The following BIRC6 variants were observed in gnomAD, a reference collection of about 807,000 sequenced individuals.
BIRC6 encodes the protein baculoviral IAP repeat containing 6.
In BIRC6, 98 loss-of-function variants were observed where a neutral mutation model predicts 503.3. That is an observed-to-expected ratio of 0.19 (90% CI 0.17 to 0.23). The LOEUF (loss-of-function observed/expected upper bound fraction) is 0.23. Ranked by LOEUF, BIRC6 falls within the 10% of genes least tolerant of loss-of-function variation. The pLI, the probability that BIRC6 is intolerant of heterozygous loss-of-function variation, is 1.00. For missense variants in BIRC6, 5,360 were observed against 5,806.0 expected (o/e 0.92, Z 2.50); for synonymous variants, 2,240 against 2,078.7 (o/e 1.08, Z -2.11).
intron 49 of BIRC6, among the ~76,000 whole-genome samples, chr2:32,504,687 A>ATAAC (rs1445236123): frequency 6.6e-6 from 1 of 151,798 alleles, no homozygotes; most frequent in Non-Finnish European, 1.5e-5. Flanking sequence ...AAATAAATAA[A>ATAAC]TAAATAATAA....
At chr2:32,569,733 AGAT>A (rs2059795591) in intron 65 of BIRC6, among the ~76,000 whole-genome samples, 1 of 151,680 alleles carries the variant, frequency 6.6e-6, no homozygotes, top group African/African-American at 2.4e-5. Flanking sequence ...ATCCTTGGCT[AGAT>A]GATTATTGGT....
intron 3 of BIRC6, among the ~76,000 whole-genome samples, chr2:32,382,975 G>C (rs1020465902): frequency 6.6e-6 from 1 of 152,074 alleles, no homozygotes; most frequent in Non-Finnish European, 1.5e-5. Flanking sequence ...ACCCACCTTG[G>C]CCTCCCAAAA....
rs1558791113 is a variant in BIRC6 at position 32,461,174 on chromosome 2, CCCCTCCCCTCT to C, written c.4754-2016_4754-2006del. 8.3e-4 allele frequency among the ~76,000 whole-genome samples: 36 copies of C among 43,506 alleles called. 11 individuals carry two copies. Among genetic ancestry groups the C allele is most frequent in the African/African-American group, 3.4e-3 (35 of 10,366 alleles). 28.5% of individuals were successfully genotyped at this position (43,506 alleles called of 152,430 possible). A position where few individuals can be genotyped will look rare whatever the true frequency, so the allele number is the denominator to read the frequency against. On this transcript the variant is annotated intron_variant, in intron 23 of 73. Transcript: ENST00000421745. Reference sequence around the variant, plus strand: ...TCCCCTCCCCTCTCCCCTCCCCTCTCCCCTCCCCTCTCCCCTCCCCTTCCCTTTTTTCTAAC... The same window carrying C: ...TCCCCTCCCCTCTCCCCTCCCCTCTCCCCCTCCCCTTCCCTTTTTTCTAAC...
chr2:32,473,936 T>C (rs1317452623), intron 33 of BIRC6, among the ~76,000 whole-genome samples: 2 of 151,810 alleles, frequency 1.3e-5, no homozygotes, highest in African/African-American at 4.8e-5. Context: ...AAATTGTTTC[T>C]TGTAGAGATG....
chr2:32,585,467 C>T (rs909023873), intron 66 of BIRC6, among the ~76,000 whole-genome samples: 17 of 151,998 alleles, frequency 1.1e-4, no homozygotes, highest in African/African-American at 3.9e-4. Context: ...GCAACCTCCG[C>T]CTCCCAGGTT....
At chr2:32,502,137 A>G (rs1249243437) in intron 47 of BIRC6, among the ~76,000 whole-genome samples, 1 of 152,186 alleles carries the variant, frequency 6.6e-6, no homozygotes, top group Non-Finnish European at 1.5e-5. Context: ...AGATTTTTTA[A>G]TATAGTCTCA....
At chr2:32,501,581 G>A in intron 46 of BIRC6, 132 bp from the exon 47 acceptor site, 1 of 612,014 alleles carries the variant, frequency 1.6e-6, no homozygotes, top group Admixed American at 3.4e-5. Flanking sequence ...ATGTTGGCCA[G>A]GCTGGTTTTG....
At chr2:32,434,516 A>G (rs2044471726) in intron 13 of BIRC6, among the ~76,000 whole-genome samples, 1 of 152,144 alleles carries the variant, frequency 6.6e-6, no homozygotes, top group Non-Finnish European at 1.5e-5. Context: ...GGGGGAAAAA[A>G]TAAAAAAAAT....
At chr2:32,528,084 C>A (rs2056430073) in intron 59 of BIRC6, 1 of 152,252 alleles carries the variant, frequency 6.6e-6, no homozygotes, top group Non-Finnish European at 1.5e-5. Flanking sequence ...CTCTTCATCC[C>A]CCGTAGGATC....
At chr2:32,510,062 C>A in intron 52 of BIRC6, 68 bp downstream of exon 52, 3 of 1,526,202 alleles carry the variant, frequency 2.0e-6, no homozygotes, top group South Asian at 1.2e-5. Context: ...ACTGTGCGAT[C>A]TTCGTGCTTA....
chr2:32,505,922 C>T (rs2053747811), intron 50 of BIRC6, among the ~76,000 whole-genome samples: 1 of 151,932 alleles, frequency 6.6e-6, no homozygotes, highest in Non-Finnish European at 1.5e-5. Context: ...TGATATATCA[C>T]TGTAGCCTTG....
Position 32,487,495 on chromosome 2 carries a change from C to T in BIRC6, c.7814-152C>T, listed in dbSNP as rs142324838. Among the ~76,000 whole-genome samples the T allele has an allele frequency of 5.1e-3, 772 of 152,190 alleles. 5 individuals carry two copies. Among genetic ancestry groups the T allele is most frequent in the Non-Finnish European group, 7.2e-3 (489 of 67,992 alleles). On this transcript the variant is annotated intron_variant, in intron 40 of 73. Transcript: ENST00000421745. ...ACTTTCAAGTAATGTTATAAAAACA[C>T]GTTTTTCAAATACTAAATATTGTTT...
chr2:32,476,588 T>C (rs1484700962), intron 34 of BIRC6, among the ~76,000 whole-genome samples: 4 of 152,136 alleles, frequency 2.6e-5, no homozygotes. Flanking sequence ...TAAAGGATAG[T>C]GGAATGTATA....
chr2:32,472,071 A>G (rs2049169277), intron 32 of BIRC6, among the ~76,000 whole-genome samples: 2 of 152,224 alleles, frequency 1.3e-5, no homozygotes, highest in African/African-American at 2.4e-5. Context: ...AAATAAAACT[A>G]CATTCATATT....
rs1264837423 is a variant in BIRC6, at chr2:32,575,233, A to G, written c.13222A>G (p.Met4408Val). 3.1e-6 allele frequency: 5 copies of G among 1,614,024 alleles called. No homozygotes were observed. The highest frequency in any genetic ancestry group is 4.2e-6 in the Non-Finnish European group (5 of 1,179,892). Residue 4408 changes from methionine to valine, a missense_variant, in exon 66 of 74, where the codon ATG becomes GTG. Around this residue, in one of 16 missense-constraint regions of BIRC6, gnomAD observed 477 missense variants for 574.4 expected, o/e 0.83. Coordinates refer to ENST00000421745, the MANE Select transcript of BIRC6 (RefSeq NM_016252.4). Reference sequence around the variant, plus strand: ...TCGGGCCATTGCTTCTTGTGCTGCCATGGTGCCCCTATTGTTGCCCCTTTC... The same window carrying G: ...TCGGGCCATTGCTTCTTGTGCTGCCGTGGTGCCCCTATTGTTGCCCCTTTC... ...LLRAIASCAA[M>V]VPLLLPLSTE... is the part of the protein sequence containing the mutation.
chr2:32,498,751 A>G (rs1166563123), intron 45 of BIRC6, among the ~76,000 whole-genome samples: 3 of 151,876 alleles, frequency 2.0e-5, no homozygotes, highest in African/African-American at 4.8e-5. Context: ...ATGCCTGGCT[A>G]ATTTTTGTAT....
At chr2:32,478,512 C>A in intron 35 of BIRC6, 123 bp from the exon 36 acceptor site, 1 of 720,270 alleles carries the variant, frequency 1.4e-6, no homozygotes. Flanking sequence ...TTTTTTGATA[C>A]CAGACTCATA....
At chr2:32,596,919 T>A (rs2061712700) in intron 68 of BIRC6, among the ~76,000 whole-genome samples, 1 of 152,180 alleles carries the variant, frequency 6.6e-6, no homozygotes, top group Admixed American at 6.6e-5. Flanking sequence ...TGTCAGAAAT[T>A]TAGAATCATA....
chr2:32,476,077 T>C, intron 33 of BIRC6, 136 bp from the exon 34 acceptor site: 1 of 621,556 alleles, frequency 1.6e-6, no homozygotes, highest in Non-Finnish European at 2.5e-6. Context: ...AAAATTATCA[T>C]CACAGTTAAA....
Sources: gnomAD v4.1 joint callset for allele counts (sites outside exome capture counted in the v4.1 genomes callset) on GRCh38, gnomAD v4.1.1 for gene constraint, gnomAD v4.1.1 regional missense constraint, MANE v1.5 for transcripts, NCBI Gene and HGNC (gene_info 2026-07-23, HGNC 2026-07-21) for gene names.